The following CCDC73 variants were observed in gnomAD, a reference collection of about 807,000 sequenced individuals.
The protein encoded by CCDC73 is coiled-coil domain containing 73.
CCDC73 carries 95 observed loss-of-function variants against 116.5 expected under a neutral mutation model. That is an observed-to-expected ratio of 0.82 (90% CI 0.69 to 0.97). The LOEUF is 0.97. Among genes scored for constraint, CCDC73 ranks in the 50% least tolerant of loss-of-function variants. CCDC73 has a pLI of 0.00. For missense variants in CCDC73, 1,066 were observed against 1,206.8 expected (o/e 0.88, Z 1.73); for synonymous variants, 398 against 401.3 (o/e 0.99, Z 0.10).
At chr11:32,755,832 T>C (rs1850335107) in intron 2 of CCDC73, among the ~76,000 whole-genome samples, 1 of 135,852 alleles carries the variant, frequency 7.4e-6, no homozygotes, top group Admixed American at 7.8e-5. Context: ...TATGTGTGTG[T>C]ATATATCTCC....
At chr11:32,722,281 T>C (rs1565084891) in intron 2 of CCDC73, among the ~76,000 whole-genome samples, 3 of 152,158 alleles carry the variant, frequency 2.0e-5, no homozygotes, top group Non-Finnish European at 4.4e-5. Flanking sequence ...GTAGAAAAAG[T>C]GTATTCTCTT....
intron 3 of CCDC73, among the ~76,000 whole-genome samples, chr11:32,715,791 T>C (rs1487963572): frequency 1.3e-5 from 2 of 152,198 alleles, no homozygotes; most frequent in Non-Finnish European, 2.9e-5. Context: ...ATTATATCAC[T>C]GTTTGTTTCA....
intron 2 of CCDC73, chr11:32,758,403 C>T (rs995492894): frequency 9.0e-5 from 45 of 501,468 alleles, no homozygotes; most frequent in African/African-American, 7.0e-4. Context: ...AAAATCTCCA[C>T]GTGGCATGCC....
intron 14 of CCDC73, among the ~76,000 whole-genome samples, chr11:32,626,477 T>C (rs1424344470): frequency 6.6e-6 from 1 of 152,116 alleles, no homozygotes; most frequent in African/African-American, 2.4e-5. Flanking sequence ...AAAAAACTAC[T>C]TTAAAGTTCA....
At chr11:32,610,955 T>C in intron 17 of CCDC73, among the ~76,000 whole-genome samples, 177 bp downstream of exon 17, 1 of 152,234 alleles carries the variant, frequency 6.6e-6, no homozygotes, top group Non-Finnish European at 1.5e-5. Context: ...TTATACACTG[T>C]GACTTTTTCC....
chr11:32,825,295 CTTTTTT>C, the CCDC73 span, among the ~76,000 whole-genome samples: 1 of 64,446 alleles, frequency 1.6e-5, no homozygotes, highest in Non-Finnish European at 2.7e-5. Context: ...CTGATGCAGA[CTTTTTT>C]TTTTTTTTTT....
chr11:32,675,314 C>T (rs1194536753), intron 9 of CCDC73, among the ~76,000 whole-genome samples: 1 of 152,080 alleles, frequency 6.6e-6, no homozygotes, highest in African/African-American at 2.4e-5. Context: ...ACAATGAATC[C>T]TTATAAGGTA....
At chr11:32,675,470 C>A in intron 9 of CCDC73, 95 bp downstream of exon 9, 2 of 712,962 alleles carry the variant, frequency 2.8e-6, no homozygotes, top group South Asian at 2.0e-5. Flanking sequence ...TATCCTCTAC[C>A]AAAAAATTCT....
the CCDC73 span, among the ~76,000 whole-genome samples, chr11:32,827,154 G>A: frequency 4.6e-5 from 7 of 152,044 alleles, no homozygotes; most frequent in Non-Finnish European, 7.4e-5. Flanking sequence ...GTGAGCCACC[G>A]TGCCCGACCA....
At chr11:32,723,224 A>G (rs1158948516) in intron 2 of CCDC73, among the ~76,000 whole-genome samples, 1 of 152,222 alleles carries the variant, frequency 6.6e-6, no homozygotes, top group Non-Finnish European at 1.5e-5. Flanking sequence ...GAAAAACAAA[A>G]GAATGTAAGA....
chr11:32,759,345 T>A (rs1850370669), intron 2 of CCDC73, among the ~76,000 whole-genome samples: 1 of 150,126 alleles, frequency 6.7e-6, no homozygotes, highest in African/African-American at 2.5e-5. Flanking sequence ...TTTTTTTTTT[T>A]CTTGAGATAG....
chr11:32,679,432 C>T (rs766960269), intron 7 of CCDC73, among the ~76,000 whole-genome samples: 5 of 152,016 alleles, frequency 3.3e-5, no homozygotes, highest in Admixed American at 6.6e-5. Flanking sequence ...GGCACGATCT[C>T]GGCTCACTGC....
intron 2 of CCDC73, among the ~76,000 whole-genome samples, chr11:32,750,612 T>A (rs1850280136): frequency 1.3e-5 from 2 of 152,120 alleles, no homozygotes; most frequent in Non-Finnish European, 2.9e-5. Flanking sequence ...TCTCTCCCCA[T>A]GGCCACCACC....
chr11:32,743,324 G>A (rs918475679), intron 2 of CCDC73, among the ~76,000 whole-genome samples: 3 of 151,844 alleles, frequency 2.0e-5, no homozygotes, highest in African/African-American at 7.3e-5. Flanking sequence ...AACTGTCTCT[G>A]AGACCACAGT....
In CCDC73 at chr11:32,657,413, A is replaced by G. The variant is rs147510886; in HGVS notation, c.646-2441T>C. ...ATTGATGTCTGGCATAAAGAGAACA[A>G]TTAGTATATATCGAAGGAATGAACC... On this transcript the variant is annotated intron_variant, in intron 9 of 17. Coordinates refer to ENST00000335185, the MANE Select transcript of CCDC73 (RefSeq NM_001008391.4). 1.9e-3 allele frequency among the ~76,000 whole-genome samples: 290 copies of G among 152,338 alleles called. 1 individual carries two copies. Among genetic ancestry groups the G allele is most frequent in the African/African-American group, 6.6e-3 (275 of 41,568 alleles).
In CCDC73 at chr11:32,779,263, CAAAAAAA is replaced by C. The variant is rs34184527; in HGVS notation, c.-16+15343_-16+15349del. Among the ~76,000 whole-genome samples, 294 of 110,060 alleles carry C rather than the reference CAAAAAAA, an allele frequency of 2.7e-3. 1 individual carries two copies. The highest frequency in any genetic ancestry group is 9.9e-3 in the African/African-American group (286 of 28,914). 72.2% of individuals were successfully genotyped at this position (110,060 alleles called of 152,430 possible). A position where few individuals can be genotyped will look rare whatever the true frequency, so the allele number is the denominator to read the frequency against. On this transcript the variant is annotated intron_variant, in intron 1 of 17. Transcript: ENST00000335185. ...TTTCCAATTATGCCTTCATGTGGGG[CAAAAAAA>C]AAAAAAAAAAAAGGAGGAAGCACTT...
chr11:32,737,064 G>A (rs1850138050), intron 2 of CCDC73, among the ~76,000 whole-genome samples: 1 of 150,838 alleles, frequency 6.6e-6, no homozygotes, highest in African/African-American at 2.4e-5. Context: ...TGCAACTCCA[G>A]GTGTGCACCC....
At chr11:32,698,181 C>T (rs1011281438) in intron 6 of CCDC73, among the ~76,000 whole-genome samples, 2 of 151,764 alleles carry the variant, frequency 1.3e-5, no homozygotes, top group East Asian at 1.9e-4. Context: ...CCCGCCACCA[C>T]GCCCAGCTAA....
chr11:32,619,850 A>T (rs1276885723), intron 14 of CCDC73, among the ~76,000 whole-genome samples: 1 of 142,726 alleles, frequency 7.0e-6, no homozygotes, highest in Non-Finnish European at 1.5e-5. Context: ...GAAGAGGAGG[A>T]AAAGTAGAAG....
Sources: allele counts gnomAD v4.1 joint callset (sites outside exome capture counted in the v4.1 genomes callset), GRCh38; gene constraint gnomAD v4.1.1; transcripts MANE v1.5; gene names NCBI Gene and HGNC (gene_info 2026-07-23, HGNC 2026-07-21).